The following SLC39A11 variants were observed in gnomAD, a reference collection of about 807,000 sequenced individuals.
The protein encoded by SLC39A11 is solute carrier family 39 member 11.
A neutral mutation model predicts 36.1 loss-of-function variants in SLC39A11; 33 were observed. The observed-to-expected ratio is 0.91, with a 90% CI of 0.69 to 1.22. The LOEUF (loss-of-function observed/expected upper bound fraction) is 1.22. Ranked by LOEUF, SLC39A11 falls within the 50% of genes most tolerant of loss-of-function variation. The pLI is 0.00. For missense variants in SLC39A11, 432 were observed against 430.3 expected, an observed-to-expected ratio of 1.00 and a Z score of -0.03; for synonymous variants, 166 against 170.3, an observed-to-expected ratio of 0.97 and a Z score of 0.20.
At chr17:72,849,174 G>C (rs909497067) in intron 6 of SLC39A11, among the ~76,000 whole-genome samples, 2 of 152,184 alleles carry the variant, frequency 1.3e-5, no homozygotes, top group African/African-American at 4.8e-5. Flanking sequence ...GTCAGCTGAG[G>C]AAGAGGAGGG....
intron 7 of SLC39A11, among the ~76,000 whole-genome samples, chr17:72,736,230 CAAAG>C (rs1190001351): frequency 6.6e-6 from 1 of 152,116 alleles, no homozygotes; most frequent in Non-Finnish European, 1.5e-5. Context: ...AGCCCACCAC[CAAAG>C]GGCCTTTCCA....
chr17:72,848,442 C>T (rs936421647), intron 6 of SLC39A11, among the ~76,000 whole-genome samples: 4 of 152,068 alleles, frequency 2.6e-5, no homozygotes, highest in Non-Finnish European at 5.9e-5. Context: ...TAAAACAGGC[C>T]AGCGTGGTAG....
At chr17:72,979,224 T>C (rs972890189) in intron 4 of SLC39A11, among the ~76,000 whole-genome samples, 1 of 152,080 alleles carries the variant, frequency 6.6e-6, no homozygotes, top group African/African-American at 2.4e-5. Context: ...AGCTACTTTT[T>C]CCCCTTCACC....
At chr17:72,663,195 G>T (rs556734109) in intron 7 of SLC39A11, among the ~76,000 whole-genome samples, 1 of 152,182 alleles carries the variant, frequency 6.6e-6, no homozygotes, top group Non-Finnish European at 1.5e-5. Context: ...AGTTTAATTT[G>T]TTAATTCTCC....
intron 7 of SLC39A11, among the ~76,000 whole-genome samples, chr17:72,669,927 CAT>C: frequency 6.7e-6 from 1 of 148,626 alleles, no homozygotes; most frequent in East Asian, 2.0e-4. Context: ...TGTATATACA[CAT>C]ATATACGTAT....
At chr17:72,696,536 A>C (rs1323795460) in intron 7 of SLC39A11, among the ~76,000 whole-genome samples, 1 of 152,026 alleles carries the variant, frequency 6.6e-6, no homozygotes, top group Admixed American at 6.5e-5. Context: ...TCTCCTCACC[A>C]TTCCCATCTC....
chr17:72,909,431 C>G (rs533032777), intron 5 of SLC39A11, among the ~76,000 whole-genome samples: 1 of 152,196 alleles, frequency 6.6e-6, no homozygotes, highest in Non-Finnish European at 1.5e-5. Context: ...ATTATTAGCA[C>G]CCATCAGACG....
intron 6 of SLC39A11, among the ~76,000 whole-genome samples, chr17:72,753,912 AC>A (rs56142027): frequency 7.0e-6 from 1 of 143,522 alleles, no homozygotes; most frequent in African/African-American, 2.7e-5. Flanking sequence ...AAAAAAAAAA[AC>A]CTGCACACAC....
chr17:73,061,506 A>C (rs957302129), intron 3 of SLC39A11, among the ~76,000 whole-genome samples: 5 of 152,346 alleles, frequency 3.3e-5, no homozygotes, highest in Middle Eastern at 3.4e-3. Context: ...TAAGATATAG[A>C]AGCTGAATGA....
intron 3 of SLC39A11, among the ~76,000 whole-genome samples, chr17:73,081,626 T>TAC (rs780265403): frequency 0.01 from 1,101 of 108,308 alleles, 9 homozygotes; most frequent in African/African-American, 0.022. Context: ...TATATATATA[T>TAC]ATACATACAC....
rs985907250 is a variant in SLC39A11, at chr17:72,944,070, A to G, written c.430+3682T>C. Among the ~76,000 whole-genome samples the G allele has an allele frequency of 2.6e-5, 4 of 152,148 alleles. 1 individual carries two copies. Among genetic ancestry groups the G allele is most frequent in the Middle Eastern group, 3.2e-3 (1 of 316 alleles). Reference sequence around the variant, plus strand: ...AGATAATGCCTCCTAACGTCACCTCATTGCAAGATCCAATCAGATCACACC... The same window carrying G: ...AGATAATGCCTCCTAACGTCACCTCGTTGCAAGATCCAATCAGATCACACC... On this transcript the variant is annotated intron_variant, in intron 5 of 9. Transcript: ENST00000255559.
At chr17:72,993,198 G>A (rs902266652) in intron 4 of SLC39A11, among the ~76,000 whole-genome samples, 1 of 152,136 alleles carries the variant, frequency 6.6e-6, no homozygotes, top group South Asian at 2.1e-4. Context: ...GCAGGCACCA[G>A]GGAATTTCCT....
intron 4 of SLC39A11, among the ~76,000 whole-genome samples, chr17:73,011,914 G>A (rs1272245285): frequency 6.7e-6 from 1 of 150,032 alleles, no homozygotes; most frequent in African/African-American, 2.4e-5. Flanking sequence ...CACACGCCTC[G>A]GCCTCCCAAA....
intron 4 of SLC39A11, among the ~76,000 whole-genome samples, chr17:73,010,568 G>A (rs146024190): frequency 5.9e-5 from 9 of 152,306 alleles, no homozygotes; most frequent in African/African-American, 2.2e-4. Flanking sequence ...GGGAGGTCTA[G>A]ATGTTAATAT....
chr17:73,009,842 C>T (rs970148026), intron 4 of SLC39A11, among the ~76,000 whole-genome samples: 2 of 152,022 alleles, frequency 1.3e-5, no homozygotes, highest in African/African-American at 4.8e-5. Flanking sequence ...TACCCATTAA[C>T]TCGTCATTTA....
chr17:73,032,219 T>G (rs1490133213), intron 3 of SLC39A11, among the ~76,000 whole-genome samples: 1 of 151,898 alleles, frequency 6.6e-6, no homozygotes, highest in African/African-American at 2.4e-5. Context: ...TTTTTTTTTT[T>G]TTTCTGAGAT....
At chr17:72,851,061 T>G (rs2079290619) in intron 5 of SLC39A11, among the ~76,000 whole-genome samples, 1 of 151,752 alleles carries the variant, frequency 6.6e-6, no homozygotes, top group South Asian at 2.1e-4. Flanking sequence ...GAATCAGATA[T>G]ACATCAACAA....
At chr17:72,798,615 C>G (rs1286730173) in intron 6 of SLC39A11, among the ~76,000 whole-genome samples, 1 of 151,756 alleles carries the variant, frequency 6.6e-6, no homozygotes, top group Non-Finnish European at 1.5e-5. Context: ...GAAATTCTGA[C>G]CTCAGGTGAT....
chr17:73,063,579 C>T (rs2059910804), intron 3 of SLC39A11, among the ~76,000 whole-genome samples: 1 of 151,906 alleles, frequency 6.6e-6, no homozygotes, highest in East Asian at 1.9e-4. Flanking sequence ...CGTGTCACTG[C>T]ACTCCAGCCT....
Sources: allele counts gnomAD v4.1 joint callset (sites outside exome capture counted in the v4.1 genomes callset), GRCh38; gene constraint gnomAD v4.1.1; transcripts MANE v1.5; gene names NCBI Gene and HGNC (gene_info 2026-07-23, HGNC 2026-07-21).